Variants in BIRC6 observed in about 807,000 individuals in gnomAD.
The protein encoded by BIRC6 is baculoviral IAP repeat containing 6.
Under a neutral mutation model 503.3 loss-of-function variants are expected in BIRC6, and 98 were observed. The observed-to-expected ratio is 0.19, with a 90% CI of 0.17 to 0.23. BIRC6 has a LOEUF of 0.23. Among genes scored for constraint, BIRC6 ranks in the 10% least tolerant of loss-of-function variants. BIRC6 has a pLI of 1.00. For synonymous variants in BIRC6, 2,240 were observed against 2,078.7 expected, an observed-to-expected ratio of 1.08 and a Z score of -2.11; for missense variants, 5,360 against 5,806.0, an observed-to-expected ratio of 0.92 and a Z score of 2.50.
At chr2:32,428,211 G>A (rs2043735436) in intron 10 of BIRC6, among the ~76,000 whole-genome samples, 2 of 152,170 alleles carry the variant, frequency 1.3e-5, no homozygotes, top group African/African-American at 4.8e-5. Context: ...AATGGCTTCG[G>A]CTCCCTCTGG....
chr2:32,466,258 G>T (rs1270065834), intron 26 of BIRC6, among the ~76,000 whole-genome samples: 1 of 152,084 alleles, frequency 6.6e-6, no homozygotes, highest in Non-Finnish European at 1.5e-5. Flanking sequence ...AAAACAATAA[G>T]GAAGAAAAAG....
intron 61 of BIRC6, among the ~76,000 whole-genome samples, chr2:32,538,860 A>T (rs981991459): frequency 6.6e-6 from 1 of 152,228 alleles, no homozygotes; most frequent in African/African-American, 2.4e-5. Context: ...TGAACCTGAG[A>T]TCGTGCCCCT....
intron 66 of BIRC6, chr2:32,590,921 C>A (rs1403745065): frequency 2.0e-6 from 2 of 985,844 alleles, no homozygotes; most frequent in African/African-American, 3.5e-5. Context: ...GACCTACTTC[C>A]AGCTAGGTGC....
At chr2:32,439,053 C>G (rs568648604) in intron 15 of BIRC6, among the ~76,000 whole-genome samples, 1 of 151,926 alleles carries the variant, frequency 6.6e-6, no homozygotes, top group Admixed American at 6.6e-5. Flanking sequence ...CATTTTTAAC[C>G]GTCAGTACTA....
At chr2:32,577,029 C>T (rs572413357) in intron 66 of BIRC6, among the ~76,000 whole-genome samples, 8 of 152,060 alleles carry the variant, frequency 5.3e-5, no homozygotes, top group African/African-American at 1.9e-4. Flanking sequence ...TGTGGCCCCC[C>T]CCAGAATCTT....
chr2:32,433,337 A>C (rs1313951082), intron 12 of BIRC6, among the ~76,000 whole-genome samples: 1 of 152,234 alleles, frequency 6.6e-6, no homozygotes, highest in Non-Finnish European at 1.5e-5. Context: ...GACCCTACTC[A>C]TAGATCTAGG....
chr2:32,532,206 A>G (rs778803271), intron 61 of BIRC6: 1 of 528,422 alleles, frequency 1.9e-6, no homozygotes, highest in South Asian at 1.4e-5. Flanking sequence ...ACTCTATTAT[A>G]GTTTCCTGAG....
Position 32,415,989 on chromosome 2 carries a change from C to G in BIRC6, c.2698C>G (p.Leu900Val). 2 of 1,613,906 alleles carry G rather than the reference C, an allele frequency of 1.2e-6. No individual in the cohort carries two copies. The highest frequency in any genetic ancestry group is 1.1e-5 in the South Asian group (1 of 91,078). The change falls in exon 10 of 74, where the codon CTT becomes GTT. Residue 900 changes from leucine (L) to valine (V), a missense_variant. Physicochemically the swap from Leu to Val is conservative, Grantham distance 32. Transcript: ENST00000421745. ...EREKTSDISTLGHLVITTQGG... is the reference protein window; with the variant it reads ...EREKTSDISTVGHLVITTQGG... ...AGAAAAAACGTCTGACATTTCTACTCTTGGACACCTGGTAATAACCACTCA... is the reference window on the plus strand; with the variant it reads ...AGAAAAAACGTCTGACATTTCTACTGTTGGACACCTGGTAATAACCACTCA...
In BIRC6 at chr2:32,515,602, A is replaced by C. The variant is rs770520070; in HGVS notation, c.11181A>C (p.Gly3727=). Residue 3727 remains glycine (G), a synonymous_variant, in exon 55 of 74, where the codon GGA becomes GGC. Transcript: ENST00000421745. ...FLLCHSGSTS[G]SHNLGAQQTS... ...TGTGTCACTCTGGGTCCACTTCTGG[A>C]AGCCATAATTTAGGTGCACAACAGA... 7 of 1,613,818 alleles carry C rather than the reference A, an allele frequency of 4.3e-6. No individual in the cohort carries two copies. Among genetic ancestry groups the C allele is most frequent in the Non-Finnish European group, 5.9e-6 (7 of 1,179,890 alleles).
chr2:32,520,653 C>G (rs2055555726), intron 57 of BIRC6, among the ~76,000 whole-genome samples: 1 of 152,064 alleles, frequency 6.6e-6, no homozygotes. Flanking sequence ...CACATGTCTA[C>G]TAAAAATACA....
At chr2:32,595,214 G>T in intron 68 of BIRC6, 70 bp downstream of exon 68, 1 of 944,486 alleles carries the variant, frequency 1.1e-6, no homozygotes, top group South Asian at 1.7e-5. Context: ...ATTGAAATGT[G>T]TTTTAGCAAA....
chr2:32,408,671 A>G (rs572354327), intron 9 of BIRC6, among the ~76,000 whole-genome samples: 41 of 151,858 alleles, frequency 2.7e-4, no homozygotes, highest in Admixed American at 9.8e-4. Context: ...TGCCTGTTTG[A>G]TTTTTCACAC....
At chr2:32,492,506 T>A (rs1386237900) in intron 44 of BIRC6, among the ~76,000 whole-genome samples, 1 of 152,050 alleles carries the variant, frequency 6.6e-6, no homozygotes, top group East Asian at 1.9e-4. Context: ...TAAAGATTGA[T>A]TGAATTTCAA....
chr2:32,611,261 C>T (rs2062857759), intron 72 of BIRC6, among the ~76,000 whole-genome samples, 187 bp from the exon 73 acceptor site: 1 of 151,618 alleles, frequency 6.6e-6, no homozygotes, highest in South Asian at 2.1e-4. Flanking sequence ...AAAAACATTG[C>T]AGTGTCTGTA....
rs762409653 is a variant in BIRC6 at position 32,442,309 on chromosome 2, G to A, written c.4107-15G>A. On this transcript the variant is annotated splice_polypyrimidine_tract_variant and intron_variant, in intron 18 of 73. Transcript: ENST00000421745. ...AAGTTCAGGATGAGTCTAAATGTCTGCTATTGTTTTGCAGCTCAAAGGAAG... is the reference window on the plus strand; with the variant it reads ...AAGTTCAGGATGAGTCTAAATGTCTACTATTGTTTTGCAGCTCAAAGGAAG... 9.9e-6 allele frequency: 16 copies of A among 1,612,660 alleles called. No homozygotes were observed. The highest frequency in any genetic ancestry group is 1.7e-5 in the Admixed American group (1 of 59,790).
chr2:32,479,654 A>G, intron 37 of BIRC6, 37 bp downstream of exon 37: 1 of 1,448,412 alleles, frequency 6.9e-7, no homozygotes, highest in Non-Finnish European at 9.4e-7. Context: ...TTATTCTATT[A>G]AATGGAAACA....
At chr2:32,374,404 T>C (rs1174093802) in intron 1 of BIRC6, among the ~76,000 whole-genome samples, 1 of 151,944 alleles carries the variant, frequency 6.6e-6, no homozygotes, top group Non-Finnish European at 1.5e-5. Flanking sequence ...GCTCAAGTGA[T>C]CCTCCCACCT....
intron 68 of BIRC6, among the ~76,000 whole-genome samples, chr2:32,596,064 C>G (rs1468094465): frequency 6.6e-6 from 1 of 151,892 alleles, no homozygotes; most frequent in Non-Finnish European, 1.5e-5. Context: ...AGTACTAAAA[C>G]CAAATACTTT....
At chr2:32,552,494 G>A (rs1265733613) in intron 65 of BIRC6, among the ~76,000 whole-genome samples, 1 of 152,114 alleles carries the variant, frequency 6.6e-6, no homozygotes, top group African/African-American at 2.4e-5. Flanking sequence ...TGCATCAAAG[G>A]TAAAAAGAGA....
Sources: gnomAD v4.1 joint callset for allele counts (sites outside exome capture counted in the v4.1 genomes callset) on GRCh38, gnomAD v4.1.1 for gene constraint, MANE v1.5 for transcripts, NCBI Gene and HGNC (gene_info 2026-07-23, HGNC 2026-07-21) for gene names.